The following CLVS1 variants were observed in gnomAD, a reference collection of about 807,000 sequenced individuals.
The protein encoded by CLVS1 is clavesin 1, also known as clavesin-1.
A neutral mutation model predicts 33.1 loss-of-function variants in CLVS1; 10 were observed. That is an observed-to-expected ratio of 0.30 (90% CI 0.19 to 0.51). The LOEUF is 0.51. CLVS1 is among the 20% of genes least tolerant of loss of function. CLVS1 has a pLI of 0.97. For missense variants in CLVS1, 343 were observed against 433.4 expected (o/e 0.79, Z 1.85); for synonymous variants, 163 against 166.1 (o/e 0.98, Z 0.14).
At chr8:61,473,681 G>T (rs557278882) in intron 5 of CLVS1, among the ~76,000 whole-genome samples, 2 of 152,158 alleles carry the variant, frequency 1.3e-5, no homozygotes, top group Non-Finnish European at 2.9e-5. Context: ...CAGAGAAGAA[G>T]ATGACTCAAA....
intron 2 of CLVS1, among the ~76,000 whole-genome samples, chr8:61,349,218 TGA>T (rs1222951364): frequency 1.3e-5 from 2 of 151,430 alleles, no homozygotes; most frequent in East Asian, 3.8e-4. Flanking sequence ...CTTTTTAGTT[TGA>T]GATAATAGCA....
At chr8:60,991,744 CTTTTTTTTTTT>C in the CLVS1 span, among the ~76,000 whole-genome samples, 11 of 118,970 alleles carry the variant, frequency 9.2e-5, no homozygotes, top group Non-Finnish European at 1.5e-4. Context: ...AAGCCCCACT[CTTTTTTTTTTT>C]TTTTTTTTTG....
intron 2 of CLVS1, among the ~76,000 whole-genome samples, chr8:61,318,224 T>A (rs1478282710): frequency 6.6e-6 from 1 of 152,222 alleles, no homozygotes; most frequent in East Asian, 1.9e-4. Context: ...AATCTGGTTT[T>A]TCTCTCTAGT....
At chr8:61,321,957 A>G (rs958268201) in intron 2 of CLVS1, among the ~76,000 whole-genome samples, 3 of 151,984 alleles carry the variant, frequency 2.0e-5, no homozygotes, top group African/African-American at 4.8e-5. Context: ...TTTCTTTTCC[A>G]TACATCTATC....
intron 2 of CLVS1, among the ~76,000 whole-genome samples, chr8:61,152,468 T>A (rs1291344017): frequency 6.6e-6 from 1 of 152,190 alleles, no homozygotes; most frequent in Non-Finnish European, 1.5e-5. Flanking sequence ...AGATCAAGGC[T>A]CCGGTGGGTT....
intron 2 of CLVS1, among the ~76,000 whole-genome samples, chr8:61,140,787 CGA>C (rs1806294067): frequency 1.3e-5 from 2 of 152,050 alleles, no homozygotes; most frequent in African/African-American, 4.8e-5. Flanking sequence ...AGGATGGTCT[CGA>C]TCTCCTGACC....
intron 2 of CLVS1, among the ~76,000 whole-genome samples, chr8:61,282,408 C>T (rs1380521896): frequency 6.6e-6 from 1 of 152,176 alleles, no homozygotes; most frequent in Non-Finnish European, 1.5e-5. Context: ...ATCACAGGAG[C>T]TGGCATTGAG....
chr8:60,978,345 T>G, the CLVS1 span, among the ~76,000 whole-genome samples: 1 of 152,226 alleles, frequency 6.6e-6, no homozygotes, highest in Non-Finnish European at 1.5e-5. Flanking sequence ...TGATTATATG[T>G]TAATGGGCAT....
intron 1 of CLVS1, among the ~76,000 whole-genome samples, chr8:61,293,398 A>G (rs1810066819): frequency 6.6e-6 from 1 of 152,178 alleles, no homozygotes. Context: ...CATAATGGCC[A>G]ATCTGAAAAT....
intron 2 of CLVS1, among the ~76,000 whole-genome samples, chr8:61,166,084 T>C (rs891664310): frequency 2.9e-5 from 4 of 137,686 alleles, no homozygotes; most frequent in African/African-American, 1.0e-4. Context: ...AAGGGCTGCG[T>C]CTTTTCTCCC....
chr8:61,090,162 A>G (rs1324630055), intron 1 of CLVS1, among the ~76,000 whole-genome samples: 1 of 152,348 alleles, frequency 6.6e-6, no homozygotes, highest in East Asian at 1.9e-4. Context: ...CACAGTTGAA[A>G]GATCTTTCAG....
intron 2 of CLVS1, among the ~76,000 whole-genome samples, chr8:61,228,344 A>G (rs1316053672): frequency 6.6e-6 from 1 of 152,190 alleles, no homozygotes; most frequent in African/African-American, 2.4e-5. Flanking sequence ...CTGCTCTCTT[A>G]GCAATTTTCA....
chr8:61,479,596 C>T (rs918657783), intron 5 of CLVS1, among the ~76,000 whole-genome samples: 1 of 152,200 alleles, frequency 6.6e-6, no homozygotes, highest in Non-Finnish European at 1.5e-5. Context: ...CAAAGTCATT[C>T]TCCATCCAGC....
At chr8:60,982,265 C>A in the CLVS1 span, among the ~76,000 whole-genome samples, 1 of 152,172 alleles carries the variant, frequency 6.6e-6, no homozygotes, top group African/African-American at 2.4e-5. Context: ...GCTTTCTGAA[C>A]ACTAATAGAA....
intron 1 of CLVS1, among the ~76,000 whole-genome samples, chr8:61,066,736 G>A (rs191595880): frequency 5.9e-5 from 9 of 152,244 alleles, no homozygotes. Context: ...GAAGAACATC[G>A]CAATTCATGC....
chr8:61,327,024 T>G (rs1415280602), intron 2 of CLVS1, among the ~76,000 whole-genome samples: 2 of 152,208 alleles, frequency 1.3e-5, no homozygotes, highest in Non-Finnish European at 2.9e-5. Flanking sequence ...AGGCTATCAT[T>G]AAGAGTGAGC....
At chr8:61,436,258 C>A (rs1816326662) in intron 3 of CLVS1, among the ~76,000 whole-genome samples, 1 of 152,182 alleles carries the variant, frequency 6.6e-6, no homozygotes, top group Non-Finnish European at 1.5e-5. Flanking sequence ...CATCTTAAAA[C>A]AAAACAAAAC....
At chr8:61,114,473 T>C (rs1362991358) in intron 1 of CLVS1, among the ~76,000 whole-genome samples, 3 of 152,198 alleles carry the variant, frequency 2.0e-5, no homozygotes, top group African/African-American at 4.8e-5. Context: ...GATTCCTAGA[T>C]AAAACCACTC....
the CLVS1 span, among the ~76,000 whole-genome samples, chr8:61,051,803 G>C: frequency 6.6e-6 from 1 of 152,250 alleles, no homozygotes; most frequent in Non-Finnish European, 1.5e-5. Flanking sequence ...GAGGACAGTG[G>C]CCATGGAGTG....
Sources: allele counts gnomAD v4.1 joint callset (sites outside exome capture counted in the v4.1 genomes callset), GRCh38; gene constraint gnomAD v4.1.1; transcripts MANE v1.5; gene names NCBI Gene and HGNC (gene_info 2026-07-23, HGNC 2026-07-21).